PDGFD: variants seen among roughly 807,000 people sequenced by gnomAD.
The protein encoded by PDGFD is platelet-derived growth factor D.
PDGFD carries 30 observed loss-of-function variants against 44.7 expected under a neutral mutation model. The observed-to-expected ratio is 0.67, with a 90% CI of 0.50 to 0.91. The LOEUF (loss-of-function observed/expected upper bound fraction) is 0.91, where lower values mean the gene tolerates loss of function less well. Among genes scored for constraint, PDGFD ranks in the 40% least tolerant of loss-of-function variants. PDGFD has a pLI of 0.00. For synonymous variants in PDGFD, 173 were observed against 168.4 expected (o/e 1.03, Z -0.21); for missense variants, 445 against 457.8 (o/e 0.97, Z 0.25).
At chr11:104,148,725 C>T (rs981162639) in intron 1 of PDGFD, among the ~76,000 whole-genome samples, 2 of 152,006 alleles carry the variant, frequency 1.3e-5, no homozygotes, top group African/African-American at 4.8e-5. Flanking sequence ...TTTATTTTTC[C>T]TGATCCTCTC....
rs149175348 is a variant in PDGFD at position 104,116,469 on chromosome 11, C to T, written c.124+47335G>A. On this transcript the variant is annotated intron_variant, in intron 1 of 6. Coordinates refer to ENST00000393158, the MANE Select transcript of PDGFD (RefSeq NM_025208.5). Reference sequence around the variant, plus strand: ...AGTTTGAAATCACGTAATGTGATGCCTCCAAATTTGATTGACACTATTCCA... The same window carrying T: ...AGTTTGAAATCACGTAATGTGATGCTTCCAAATTTGATTGACACTATTCCA... Among the ~76,000 whole-genome samples the T allele has an allele frequency of 6.8e-3, 1,032 of 152,018 alleles. 10 individuals carry two copies. Among genetic ancestry groups the T allele is most frequent in the African/African-American group, 0.024 (981 of 41,486 alleles).
chr11:104,031,219 A>G (rs947883158), intron 1 of PDGFD, among the ~76,000 whole-genome samples: 5 of 152,226 alleles, frequency 3.3e-5, no homozygotes, highest in African/African-American at 9.6e-5. Flanking sequence ...ATAGAATGGG[A>G]GAGAAATTGT....
intron 6 of PDGFD, among the ~76,000 whole-genome samples, chr11:103,925,669 G>A (rs1565285892): frequency 8.1e-6 from 1 of 124,154 alleles, no homozygotes. Flanking sequence ...CTCTATGTGT[G>A]TGTGTCTGTG....
At chr11:103,974,044 G>A (rs762424946) in intron 3 of PDGFD, among the ~76,000 whole-genome samples, 4 of 152,104 alleles carry the variant, frequency 2.6e-5, no homozygotes, top group Non-Finnish European at 5.9e-5. Context: ...GAGAGACAAA[G>A]GAGAAGGAGA....
chr11:103,954,558 A>T (rs1015295785), intron 3 of PDGFD, among the ~76,000 whole-genome samples: 1 of 152,254 alleles, frequency 6.6e-6, no homozygotes, highest in Non-Finnish European at 1.5e-5. Flanking sequence ...ATATGCAGTT[A>T]CTTGGGAGTT....
chr11:104,096,637 T>C (rs747307815), intron 1 of PDGFD, among the ~76,000 whole-genome samples: 4 of 152,172 alleles, frequency 2.6e-5, no homozygotes, highest in Non-Finnish European at 4.4e-5. Context: ...GTATCTCTGT[T>C]ACAGGTGTCT....
intron 3 of PDGFD, among the ~76,000 whole-genome samples, chr11:103,970,594 G>C (rs1024046729): frequency 1.3e-5 from 2 of 152,068 alleles, no homozygotes; most frequent in Admixed American, 6.6e-5. Context: ...TTGATTAAGA[G>C]GCTGGGAAAA....
intron 1 of PDGFD, among the ~76,000 whole-genome samples, chr11:104,114,334 C>T (rs1861601257): frequency 6.6e-6 from 1 of 151,854 alleles, no homozygotes; most frequent in African/African-American, 2.4e-5. Flanking sequence ...CTTGTTCTAG[C>T]ACCATGTATA....
intron 1 of PDGFD, among the ~76,000 whole-genome samples, chr11:104,119,640 T>C (rs1464797875): frequency 3.0e-5 from 1 of 33,836 alleles, no homozygotes; most frequent in Non-Finnish European, 5.6e-5. Flanking sequence ...TAATATATAA[T>C]ATATTAATAG....
At chr11:103,978,012 G>C (rs1035408452) in intron 3 of PDGFD, among the ~76,000 whole-genome samples, 1 of 152,052 alleles carries the variant, frequency 6.6e-6, no homozygotes, top group African/African-American at 2.4e-5. Context: ...CAACCACACA[G>C]CACAGGAGAG....
intron 1 of PDGFD, among the ~76,000 whole-genome samples, chr11:104,045,183 TA>T (rs1229035768): frequency 6.6e-6 from 1 of 152,182 alleles, no homozygotes; most frequent in Non-Finnish European, 1.5e-5. Flanking sequence ...TGTGCACTTC[TA>T]AACAAGCTGA....
At chr11:103,996,266 T>A in intron 2 of PDGFD, 21 bp from the exon 3 acceptor site, 2 of 1,579,742 alleles carry the variant, frequency 1.3e-6, no homozygotes, top group Non-Finnish European at 1.7e-6. Flanking sequence ...TTGGACATAA[T>A]GAACAAGTTT....
intron 1 of PDGFD, among the ~76,000 whole-genome samples, chr11:104,129,225 T>G (rs1861882163): frequency 6.6e-6 from 1 of 152,066 alleles, no homozygotes; most frequent in South Asian, 2.1e-4. Flanking sequence ...CATCTTTTTT[T>G]TTTTTCTTTT....
chr11:104,118,842 T>C (rs1263565375), intron 1 of PDGFD, among the ~76,000 whole-genome samples: 7 of 30,638 alleles, frequency 2.3e-4, no homozygotes, highest in African/African-American at 9.0e-4. Flanking sequence ...TAATATATAA[T>C]ATATTATATA....
chr11:104,096,063 C>G (rs1188157822), intron 1 of PDGFD, among the ~76,000 whole-genome samples: 1 of 152,096 alleles, frequency 6.6e-6, no homozygotes, highest in African/African-American at 2.4e-5. Context: ...CTTGGAGAAT[C>G]TGGTATTAAG....
intron 1 of PDGFD, among the ~76,000 whole-genome samples, chr11:104,142,688 C>T (rs541123179): frequency 6.6e-6 from 1 of 152,134 alleles, no homozygotes; most frequent in Non-Finnish European, 1.5e-5. Flanking sequence ...AAACCGAAGG[C>T]CCTAATAATT....
chr11:104,036,967 C>T (rs1238025599), intron 1 of PDGFD: 1 of 1,614,226 alleles, frequency 6.2e-7, no homozygotes, highest in Admixed American at 1.7e-5. Context: ...CCAGATCATC[C>T]ACATGGAGCG....
chr11:103,962,032 T>C (rs1165928947), intron 3 of PDGFD, among the ~76,000 whole-genome samples: 2 of 152,114 alleles, frequency 1.3e-5, no homozygotes, highest in Non-Finnish European at 2.9e-5. Context: ...TTAAGTAACA[T>C]AATGGGGTTC....
chr11:103,996,776 C>T (rs1010634259), intron 2 of PDGFD, among the ~76,000 whole-genome samples: 3 of 152,052 alleles, frequency 2.0e-5, no homozygotes, highest in African/African-American at 7.2e-5. Context: ...TTTTTGGAAA[C>T]GATCTTTTGG....
Sources: allele counts gnomAD v4.1 joint callset (sites outside exome capture counted in the v4.1 genomes callset), GRCh38; gene constraint gnomAD v4.1.1; transcripts MANE v1.5; gene names NCBI Gene and HGNC (gene_info 2026-07-23, HGNC 2026-07-21).